The following AGMO variants were observed in gnomAD, a reference collection of about 807,000 sequenced individuals.
AGMO encodes glyceryl-ether monooxygenase.
Under a neutral mutation model 60.2 loss-of-function variants are expected in AGMO, and 75 were observed. The ratio of observed to expected loss-of-function variants is 1.25; its 90% CI spans 1.03 to 1.51. The LOEUF is 1.51. Among genes scored for constraint, AGMO ranks in the 40% most tolerant of loss-of-function variants. AGMO has a pLI of 0.00. For synonymous variants in AGMO, 261 were observed against 177.1 expected (o/e 1.47, Z -3.76); for missense variants, 763 against 525.5 (o/e 1.45, Z -4.42).
intron 3 of AGMO, among the ~76,000 whole-genome samples, chr7:15,469,665 G>C (rs1782392903): frequency 6.6e-6 from 1 of 151,878 alleles, no homozygotes. Context: ...CAATGTGACA[G>C]AATTAGAAAA....
chr7:15,349,596 T>C (rs10278501), intron 12 of AGMO, among the ~76,000 whole-genome samples: 1 of 151,802 alleles, frequency 6.6e-6, no homozygotes, highest in Non-Finnish European at 1.5e-5. Flanking sequence ...TCTCAGTGAA[T>C]TAATATACAA....
At chr7:15,145,870 T>A in the AGMO span, among the ~76,000 whole-genome samples, 5 of 152,188 alleles carry the variant, frequency 3.3e-5, no homozygotes, top group Admixed American at 6.5e-5. Flanking sequence ...TCTAATTTCA[T>A]CTTCAAATGT....
At chr7:15,461,243 A>T (rs995135506) in intron 3 of AGMO, among the ~76,000 whole-genome samples, 2 of 152,020 alleles carry the variant, frequency 1.3e-5, no homozygotes, top group Non-Finnish European at 2.9e-5. Context: ...CCTAATATTT[A>T]TTTAGAATTT....
chr7:15,255,970 AG>A (rs1783086115), intron 12 of AGMO, among the ~76,000 whole-genome samples: 1 of 152,234 alleles, frequency 6.6e-6, no homozygotes, highest in Non-Finnish European at 1.5e-5. Context: ...AACAGATATC[AG>A]GGAGGTGAAG....
chr7:15,477,534 A>G (rs1195004903), intron 3 of AGMO, among the ~76,000 whole-genome samples: 1 of 152,144 alleles, frequency 6.6e-6, no homozygotes, highest in Non-Finnish European at 1.5e-5. Flanking sequence ...AAAGTTTCTT[A>G]GTTTGCATAC....
chr7:15,503,999 G>C (rs2128526442), intron 3 of AGMO, among the ~76,000 whole-genome samples: 1 of 152,102 alleles, frequency 6.6e-6, no homozygotes, highest in Middle Eastern at 3.4e-3. Flanking sequence ...GTCTTGAATT[G>C]TCCTCAAAGC....
chr7:15,264,505 T>C (rs773560809), intron 12 of AGMO, among the ~76,000 whole-genome samples: 7 of 152,014 alleles, frequency 4.6e-5, no homozygotes, highest in Non-Finnish European at 1.0e-4. Flanking sequence ...AATAGAATAA[T>C]ATCAATTATT....
chr7:15,184,506 G>A, the AGMO span, among the ~76,000 whole-genome samples: 1 of 112,530 alleles, frequency 8.9e-6, no homozygotes, highest in African/African-American at 3.5e-5. Context: ...GGAAGGAATA[G>A]AAGGAAGGAA....
chr7:15,153,430 GA>G, the AGMO span, among the ~76,000 whole-genome samples: 1 of 152,220 alleles, frequency 6.6e-6, no homozygotes, highest in Admixed American at 6.5e-5. Flanking sequence ...CCAAAGGCTA[GA>G]AGGGTTTTTC....
intron 3 of AGMO, among the ~76,000 whole-genome samples, chr7:15,484,386 A>G (rs938275607): frequency 6.6e-6 from 1 of 152,156 alleles, no homozygotes; most frequent in Non-Finnish European, 1.5e-5. Flanking sequence ...AGAAAGATAG[A>G]CAGTAGTGGT....
chr7:15,141,319 C>G, the AGMO span, among the ~76,000 whole-genome samples: 1 of 152,078 alleles, frequency 6.6e-6, no homozygotes, highest in Non-Finnish European at 1.5e-5. Flanking sequence ...CACGGTGGCT[C>G]ACGTCTGTAA....
chr7:15,397,058 C>G (rs1238497187), intron 5 of AGMO, among the ~76,000 whole-genome samples: 1 of 152,114 alleles, frequency 6.6e-6, no homozygotes, highest in Non-Finnish European at 1.5e-5. Context: ...ACCACCGGTC[C>G]CAGAAGCCCA....
At chr7:15,506,981 G>A (rs79766734) in intron 3 of AGMO, among the ~76,000 whole-genome samples, 2,299 of 151,972 alleles carry the variant, frequency 0.015, 58 homozygotes, top group African/African-American at 0.052. Flanking sequence ...AGATCTGGCT[G>A]GGTCATTTAA....
the AGMO span, among the ~76,000 whole-genome samples, chr7:15,136,368 C>T: frequency 1.3e-5 from 2 of 152,152 alleles, no homozygotes; most frequent in Non-Finnish European, 2.9e-5. Context: ...CCTTTCCTCC[C>T]TGCTTTTTAT....
chr7:15,375,676 G>A lies in AGMO; in HGVS notation c.1075-9454C>T, dbSNP rs188534411. 9.5e-4 allele frequency among the ~76,000 whole-genome samples: 145 copies of A among 152,186 alleles called. 1 individual carries two copies. The highest frequency in any genetic ancestry group is 2.4e-3 in the Admixed American group (37 of 15,286). On this transcript the variant is annotated intron_variant, in intron 10 of 12. Transcript: ENST00000342526. ...CCTCCTAAAGTGCTGGATTACAGGC[G>A]TAAGCCACTGTGCCCAGCCTCTTCA...
chr7:15,506,622 C>T (rs78064087), intron 3 of AGMO, among the ~76,000 whole-genome samples: 2,299 of 152,104 alleles, frequency 0.015, 60 homozygotes, highest in African/African-American at 0.052. Context: ...AGCCAAGTTT[C>T]TCAAATATTA....
chr7:15,357,934 T>C (rs554913414), intron 12 of AGMO, among the ~76,000 whole-genome samples: 1 of 151,794 alleles, frequency 6.6e-6, no homozygotes, highest in African/African-American at 2.4e-5. Context: ...TTTTACCAAA[T>C]AAACACATAT....
At chr7:15,454,944 C>T (rs969121172) in intron 3 of AGMO, among the ~76,000 whole-genome samples, 7 of 152,104 alleles carry the variant, frequency 4.6e-5, no homozygotes, top group East Asian at 3.8e-4. Context: ...GCCTTTGGTA[C>T]TTTTCTCCAT....
At chr7:15,309,150 T>C (rs1200661778) in intron 12 of AGMO, among the ~76,000 whole-genome samples, 3 of 152,160 alleles carry the variant, frequency 2.0e-5, no homozygotes, top group Non-Finnish European at 2.9e-5. Context: ...ATGGCCTTTA[T>C]AGGAAGACAA....
Sources: allele counts gnomAD v4.1 joint callset (sites outside exome capture counted in the v4.1 genomes callset), GRCh38; gene constraint gnomAD v4.1.1; transcripts MANE v1.5; gene names NCBI Gene and HGNC (gene_info 2026-07-23, HGNC 2026-07-21).